SP140L: variants seen among roughly 807,000 people sequenced by gnomAD.
SP140L encodes the protein SP140 like nuclear body protein.
In SP140L, 64 loss-of-function variants were observed where a neutral mutation model predicts 84.3. That is an observed-to-expected ratio of 0.76 (90% CI 0.62 to 0.94). The LOEUF is 0.94. Among genes scored for constraint, SP140L ranks in the 40% least tolerant of loss-of-function variants. The pLI, the probability that SP140L is intolerant of heterozygous loss-of-function variation, is 0.00. For synonymous variants in SP140L, 242 were observed against 236.9 expected (o/e 1.02, Z -0.20); for missense variants, 628 against 692.5 (o/e 0.91, Z 1.05).
chr2:230,378,556 T>G (rs2061318565), intron 7 of SP140L, among the ~76,000 whole-genome samples: 1 of 152,234 alleles, frequency 6.6e-6, no homozygotes, highest in African/African-American at 2.4e-5. Flanking sequence ...AGAGAGGTTA[T>G]GAACTGTGGT....
At chr2:230,378,546 A>G (rs1048563537) in intron 7 of SP140L, among the ~76,000 whole-genome samples, 3 of 152,188 alleles carry the variant, frequency 2.0e-5, no homozygotes, top group Non-Finnish European at 4.4e-5. Context: ...GTCAGGTGTG[A>G]GAGAGGTTAT....
intron 9 of SP140L, among the ~76,000 whole-genome samples, chr2:230,387,195 T>G (rs2061620772): frequency 6.6e-6 from 1 of 152,206 alleles, no homozygotes; most frequent in African/African-American, 2.4e-5. Flanking sequence ...CAGTTCCACC[T>G]CTTTAGTAGT....
Position 230,377,427 on chromosome 2 carries a change from A to C in SP140L, c.637+5776A>C, listed in dbSNP as rs572554572. On this transcript the variant is annotated intron_variant, in intron 7 of 18. Coordinates refer to ENST00000415673, the MANE Select transcript of SP140L (RefSeq NM_138402.6). ...ATTTACTTATGTTTAGCCCCTGTCA[A>C]TTAACATAATGCTTTTGAGATACAT... 3.3e-4 allele frequency among the ~76,000 whole-genome samples: 51 copies of C among 152,326 alleles called. 1 individual carries two copies. In the South Asian group the frequency reaches 0.01, roughly 30 times the overall value.
At chr2:230,394,839 C>A (rs2061977365) in intron 13 of SP140L, among the ~76,000 whole-genome samples, 1 of 152,182 alleles carries the variant, frequency 6.6e-6, no homozygotes, top group Non-Finnish European at 1.5e-5. Context: ...ACTTCAGTGT[C>A]ACTATCAGTG....
chr2:230,354,961 A>C (rs1012880649), intron 2 of SP140L, among the ~76,000 whole-genome samples: 4 of 152,106 alleles, frequency 2.6e-5, no homozygotes, highest in African/African-American at 7.2e-5. Context: ...AGAGAAAGAA[A>C]GGGAAAGAGG....
chr2:230,365,746 T>C (rs1283122385), intron 5 of SP140L, among the ~76,000 whole-genome samples: 2 of 152,136 alleles, frequency 1.3e-5, no homozygotes, highest in East Asian at 3.8e-4. Flanking sequence ...CTTTCTTCTT[T>C]CTTGATGTAG....
At chr2:230,381,526 G>A (rs7565621) in intron 7 of SP140L, among the ~76,000 whole-genome samples, 72,921 of 152,008 alleles carry the variant, frequency 0.48, 18,145 homozygotes, top group South Asian at 0.66. Flanking sequence ...TTTGACCCAT[G>A]GGTCCAGATA....
At chr2:230,396,725 A>G (rs892549590) in intron 13 of SP140L, 32 bp from the exon 14 acceptor site, 3 of 1,610,364 alleles carry the variant, frequency 1.9e-6, no homozygotes, top group Non-Finnish European at 2.5e-6. Context: ...TGCATTCAAT[A>G]TCATAAATCA....
chr2:230,391,479 A>C (rs915594766), intron 11 of SP140L, among the ~76,000 whole-genome samples: 2 of 152,174 alleles, frequency 1.3e-5, no homozygotes, highest in African/African-American at 2.4e-5. Flanking sequence ...GATGGGGTTG[A>C]CTATCTTTTA....
intron 2 of SP140L, among the ~76,000 whole-genome samples, chr2:230,333,361 T>C (rs926683821): frequency 2.0e-5 from 3 of 152,124 alleles, no homozygotes; most frequent in African/African-American, 7.2e-5. Context: ...GGTTTCACCA[T>C]GTTTGCCAGG....
chr2:230,385,533 C>T (rs114636653), intron 9 of SP140L, among the ~76,000 whole-genome samples: 5 of 152,248 alleles, frequency 3.3e-5, no homozygotes, highest in African/African-American at 1.2e-4. Context: ...TGTGTTTTAT[C>T]TGATTTTCCT....
At chr2:230,360,668 A>G (rs2060686651) in intron 4 of SP140L, among the ~76,000 whole-genome samples, 1 of 152,140 alleles carries the variant, frequency 6.6e-6, no homozygotes, top group Admixed American at 6.5e-5. Flanking sequence ...TCCTAGCCCC[A>G]GTGCCCACAA....
chr2:230,395,893 C>A (rs930784364), intron 13 of SP140L, among the ~76,000 whole-genome samples: 1 of 152,222 alleles, frequency 6.6e-6, no homozygotes, highest in Non-Finnish European at 1.5e-5. Context: ...GAAGGGAGAG[C>A]AGGAGACTCT....
chr2:230,383,902 G>A (rs1045338224), intron 8 of SP140L, among the ~76,000 whole-genome samples: 1 of 152,120 alleles, frequency 6.6e-6, no homozygotes, highest in African/African-American at 2.4e-5. Context: ...CAAGGTGTAT[G>A]TGTATGTGTG....
intron 7 of SP140L, among the ~76,000 whole-genome samples, chr2:230,379,726 A>T (rs2061348514): frequency 6.6e-6 from 1 of 152,150 alleles, no homozygotes; most frequent in South Asian, 2.1e-4. Flanking sequence ...CTAAGTTAAA[A>T]ATTTTAGGTT....
chr2:230,344,361 TTTGC>T (rs1237113138), intron 2 of SP140L, among the ~76,000 whole-genome samples: 8 of 152,232 alleles, frequency 5.3e-5, no homozygotes, highest in African/African-American at 1.9e-4. Context: ...CTGTTTTCTA[TTTGC>T]TTGGTAAATT....
At chr2:230,336,326 A>G (rs947079654) in intron 2 of SP140L, among the ~76,000 whole-genome samples, 4 of 152,158 alleles carry the variant, frequency 2.6e-5, no homozygotes, top group African/African-American at 9.7e-5. Flanking sequence ...TAGAACGTCT[A>G]AATTGTCTTT....
At chr2:230,375,257 A>G (rs538327648) in intron 7 of SP140L, among the ~76,000 whole-genome samples, 84 of 152,294 alleles carry the variant, frequency 5.5e-4, no homozygotes, top group African/African-American at 1.3e-3. Context: ...ATATTTTCCA[A>G]TATACACAGA....
chr2:230,346,915 C>CT (rs1177346588), intron 2 of SP140L, among the ~76,000 whole-genome samples: 1 of 152,116 alleles, frequency 6.6e-6, no homozygotes, highest in East Asian at 1.9e-4. Context: ...TTATTAATTT[C>CT]TTTTAGGGGT....
Sources: gnomAD v4.1 joint callset for allele counts (sites outside exome capture counted in the v4.1 genomes callset) on GRCh38, gnomAD v4.1.1 for gene constraint, MANE v1.5 for transcripts, NCBI Gene and HGNC (gene_info 2026-07-23, HGNC 2026-07-21) for gene names.